The following TRAPPC9 variants were observed in gnomAD, a reference collection of about 807,000 sequenced individuals.
The protein encoded by TRAPPC9 is IKK2 binding protein.
In TRAPPC9, 83 loss-of-function variants were observed where a neutral mutation model predicts 124.0. The observed-to-expected ratio is 0.67, with a 90% CI of 0.56 to 0.80. The LOEUF (loss-of-function observed/expected upper bound fraction) is 0.80. TRAPPC9 is among the 30% of genes least tolerant of loss of function. The pLI is 0.00. For missense variants in TRAPPC9, 1,302 were observed against 1,508.3 expected, an observed-to-expected ratio of 0.86 and a Z score of 2.27; for synonymous variants, 638 against 617.5, an observed-to-expected ratio of 1.03 and a Z score of -0.49.
At chr8:140,336,825 G>C (rs894114702) in intron 9 of TRAPPC9, among the ~76,000 whole-genome samples, 2 of 152,310 alleles carry the variant, frequency 1.3e-5, no homozygotes, top group African/African-American at 4.8e-5. Context: ...AACCAGGGCC[G>C]TGACGATGGA....
intron 1 of TRAPPC9, among the ~76,000 whole-genome samples, chr8:140,452,095 T>A (rs1445078698): frequency 7.1e-6 from 1 of 140,118 alleles, no homozygotes; most frequent in Non-Finnish European, 1.5e-5. Context: ...CACTCCAGCC[T>A]GGGTGACAGA....
At chr8:140,136,187 G>A (rs572219388) in intron 17 of TRAPPC9, among the ~76,000 whole-genome samples, 1 of 152,216 alleles carries the variant, frequency 6.6e-6, no homozygotes, top group South Asian at 2.1e-4. Flanking sequence ...GTGGCTTAGG[G>A]ACCAGTGGGC....
intron 17 of TRAPPC9, among the ~76,000 whole-genome samples, chr8:140,033,657 GGTTTTTTTTTTTTTTTTTTTT>G (rs1840648928): frequency 8.1e-5 from 4 of 49,304 alleles, no homozygotes; most frequent in African/African-American, 1.7e-4. Context: ...TTCATAATGT[GGTTTTTTTTTTTTTTTTTTTT>G]TTTTTTTTTT....
intron 21 of TRAPPC9, among the ~76,000 whole-genome samples, chr8:139,878,362 TG>T (rs1156960530): frequency 6.6e-6 from 1 of 152,204 alleles, no homozygotes; most frequent in Non-Finnish European, 1.5e-5. Context: ...GAGGTTGTTT[TG>T]GGGATAGGGA....
intron 7 of TRAPPC9, among the ~76,000 whole-genome samples, chr8:140,379,389 T>C (rs144556367): frequency 2.7e-4 from 41 of 152,292 alleles, no homozygotes; most frequent in Non-Finnish European, 5.1e-4. Flanking sequence ...TCCTGCCTGG[T>C]TTCCTGGCTC....
At chr8:140,281,941 T>C (rs921330660) in intron 14 of TRAPPC9, among the ~76,000 whole-genome samples, 3 of 152,150 alleles carry the variant, frequency 2.0e-5, no homozygotes, top group African/African-American at 7.2e-5. Flanking sequence ...CCCCAGCACA[T>C]GGGACCTCCC....
intron 21 of TRAPPC9, among the ~76,000 whole-genome samples, chr8:139,808,749 A>G (rs56341247): frequency 0.025 from 3,787 of 152,264 alleles, 165 homozygotes; most frequent in African/African-American, 0.087. Context: ...TTCACTTAGC[A>G]TAATATTTTA....
chr8:140,075,748 G>C (rs1434239619), intron 17 of TRAPPC9, among the ~76,000 whole-genome samples: 1 of 152,208 alleles, frequency 6.6e-6, no homozygotes, highest in Admixed American at 6.5e-5. Context: ...CTTCACTGTA[G>C]AGGCATCCGA....
At chr8:140,075,763 T>C (rs915929136) in intron 17 of TRAPPC9, among the ~76,000 whole-genome samples, 3 of 152,330 alleles carry the variant, frequency 2.0e-5, no homozygotes, top group South Asian at 4.1e-4. Context: ...ATCCGACACA[T>C]TGGATGTAGA....
intron 20 of TRAPPC9, among the ~76,000 whole-genome samples, chr8:139,892,548 G>A (rs556133677): frequency 2.0e-5 from 3 of 152,334 alleles, no homozygotes; most frequent in East Asian, 1.9e-4. Context: ...TGAGCATTAC[G>A]ATGATGACGT....
chr8:140,257,565 A>G lies in TRAPPC9; in HGVS notation c.2279-4636T>C, dbSNP rs1266790678. On this transcript the variant is annotated intron_variant, in intron 15 of 22. Transcript: ENST00000438773. The surrounding 1 kb of genome is among the most constrained non-coding windows in gnomAD (Gnocchi z 4.6). ...GGAAAGAAGCACACGTCCTTTCAGA[A>G]GTTGACATCTGGTGACACCTCCAAT... Among the ~76,000 whole-genome samples, 1 of 152,210 alleles carries G rather than the reference A, an allele frequency of 6.6e-6. No individual in the cohort carries two copies. The highest frequency in any genetic ancestry group is 1.5e-5 in the Non-Finnish European group (1 of 68,050).
At chr8:139,816,478 G>C (rs544427677) in intron 21 of TRAPPC9, among the ~76,000 whole-genome samples, 1 of 152,178 alleles carries the variant, frequency 6.6e-6, no homozygotes. Flanking sequence ...TGGGAGAGAC[G>C]CAAGGGGGCT....
rs1277503864 is a variant in TRAPPC9 at position 140,063,069 on chromosome 8, G to A, written c.2557-38990C>T. ...CAGGAAGGAGAAGTGAATGCAGGAG[G>A]AACTACTGAACACCTGAACACTTAC... On this transcript the variant is annotated intron_variant, in intron 17 of 22. Transcript: ENST00000438773. The surrounding 1 kb of genome is among the most constrained non-coding windows in gnomAD (Gnocchi z 4.3). Among the ~76,000 whole-genome samples, 2 of 152,104 alleles carry A rather than the reference G, an allele frequency of 1.3e-5. No homozygotes were observed. Among genetic ancestry groups the A allele is most frequent in the African/African-American group, 4.8e-5 (2 of 41,394 alleles).
intron 21 of TRAPPC9, among the ~76,000 whole-genome samples, chr8:139,771,223 T>C (rs140681540): frequency 3.9e-5 from 6 of 152,284 alleles, no homozygotes; most frequent in African/African-American, 1.4e-4. Flanking sequence ...ACTCATCTCT[T>C]TTGAAACTTA....
intron 21 of TRAPPC9, among the ~76,000 whole-genome samples, chr8:139,773,868 A>G (rs1821157059): frequency 6.6e-6 from 1 of 152,254 alleles, no homozygotes; most frequent in South Asian, 2.1e-4. Context: ...CTAAAAATAA[A>G]TAACATAGGA....
At chr8:139,902,065 T>C (rs1831053568) in intron 20 of TRAPPC9, among the ~76,000 whole-genome samples, 1 of 152,344 alleles carries the variant, frequency 6.6e-6, no homozygotes, top group South Asian at 2.1e-4. Context: ...AAATACAGTG[T>C]GTATATGTCC....
At chr8:140,006,614 T>C (rs1838768625) in intron 18 of TRAPPC9, among the ~76,000 whole-genome samples, 1 of 152,206 alleles carries the variant, frequency 6.6e-6, no homozygotes, top group Non-Finnish European at 1.5e-5. Flanking sequence ...GTCCATCAAC[T>C]AATGAATGAA....
chr8:140,446,293 C>CAAAAAAAAAAAAAAAAAAA, intron 2 of TRAPPC9, among the ~76,000 whole-genome samples: 1 of 110,370 alleles, frequency 9.1e-6, no homozygotes, highest in Non-Finnish European at 1.8e-5. Context: ...GACTCTGTCT[C>CAAAAAAAAAAAAAAAAAAA]AAAAAAAAAA....
In TRAPPC9 at chr8:139,731,088, G is replaced by T. The variant is rs145669204; in HGVS notation, c.3420C>A (p.His1140Gln). 3 of 1,613,360 alleles carry T rather than the reference G, an allele frequency of 1.9e-6. No individual in the cohort carries two copies. The highest frequency in any genetic ancestry group is 2.5e-6 in the Non-Finnish European group (3 of 1,180,010). ...AGGCCTGCGCCTCCAGGGCACACAC[G>T]TGCACACTGGGCAGGCAGAACCAAG... is the stretch of plus-strand genomic sequence containing the variant. Reference protein sequence around the residue: ...PPSWFCLPSVHVCALEAQA With the variant: ...PPSWFCLPSVQVCALEAQA The change falls in exon 23 of 23, where the codon CAC becomes CAA. Residue 1140 changes from histidine (H) to glutamine (Q), a missense_variant. Coordinates refer to ENST00000438773, the MANE Select transcript of TRAPPC9 (RefSeq NM_001160372.4).
Sources: allele counts gnomAD v4.1 joint callset (sites outside exome capture counted in the v4.1 genomes callset), GRCh38; gene constraint gnomAD v4.1.1; non-coding constraint Gnocchi (gnomAD v3.1); transcripts MANE v1.5; gene names NCBI Gene and HGNC (gene_info 2026-07-23, HGNC 2026-07-21).